The following LRRTM4 variants were observed in gnomAD, a reference collection of about 807,000 sequenced individuals.
LRRTM4 encodes the protein leucine rich repeat transmembrane neuronal 4, also known as leucine-rich repeat transmembrane neuronal protein 4.
In LRRTM4, 25 loss-of-function variants were observed where a neutral mutation model predicts 47.6. That is an observed-to-expected ratio of 0.53 (90% CI 0.38 to 0.73). LRRTM4 has a LOEUF of 0.73. LRRTM4 is among the 30% of genes least tolerant of loss of function. The probability of loss-of-function intolerance (pLI) is 0.00; values close to 1 mark genes in which losing one functional copy is unlikely to be tolerated. For synonymous variants in LRRTM4, 311 were observed against 269.5 expected (o/e 1.15, Z -1.51); for missense variants, 638 against 713.4 (o/e 0.89, Z 1.20).
chr2:77,001,284 G>A (rs1408737915), intron 3 of LRRTM4, among the ~76,000 whole-genome samples: 1 of 152,064 alleles, frequency 6.6e-6, no homozygotes, highest in East Asian at 1.9e-4. Flanking sequence ...CTTACCTTGT[G>A]AATTCTGATT....
chr2:77,342,190 CATGA>C (rs1671396740), intron 3 of LRRTM4, among the ~76,000 whole-genome samples: 1 of 151,920 alleles, frequency 6.6e-6, no homozygotes, highest in Non-Finnish European at 1.5e-5. Context: ...CCTGGAGCAT[CATGA>C]ATGATTGATG....
chr2:76,991,719 G>T (rs763679931), intron 3 of LRRTM4, among the ~76,000 whole-genome samples: 34 of 151,596 alleles, frequency 2.2e-4, no homozygotes, highest in Non-Finnish European at 4.1e-4. Flanking sequence ...GAGAAGAGCT[G>T]GTACCAATTC....
intron 3 of LRRTM4, among the ~76,000 whole-genome samples, chr2:77,465,498 G>T (rs182285429): frequency 1.4e-4 from 21 of 152,124 alleles, no homozygotes; most frequent in Admixed American, 8.5e-4. Flanking sequence ...CTCTACCAAG[G>T]ACATTTGTAT....
At chr2:77,089,880 T>A (rs947402844) in intron 3 of LRRTM4, among the ~76,000 whole-genome samples, 1 of 148,990 alleles carries the variant, frequency 6.7e-6, no homozygotes, top group Non-Finnish European at 1.5e-5. Flanking sequence ...AGGTGCCTGA[T>A]GTCCAGGCAT....
At chr2:76,942,361 A>T (rs1444239829) in intron 3 of LRRTM4, among the ~76,000 whole-genome samples, 2 of 152,026 alleles carry the variant, frequency 1.3e-5, no homozygotes, top group East Asian at 3.9e-4. Flanking sequence ...GATTTTGGTT[A>T]AACACATTTT....
intron 3 of LRRTM4, among the ~76,000 whole-genome samples, chr2:77,286,146 A>G (rs775753018): frequency 6.6e-6 from 1 of 152,118 alleles, no homozygotes; most frequent in African/African-American, 2.4e-5. Flanking sequence ...AGTTGAAAAA[A>G]TTATGGGGAC....
intron 3 of LRRTM4, among the ~76,000 whole-genome samples, chr2:77,027,761 G>T (rs1356420062): frequency 6.6e-6 from 1 of 152,024 alleles, no homozygotes; most frequent in Non-Finnish European, 1.5e-5. Context: ...CAAATATCAA[G>T]ACATTTGAAT....
intron 3 of LRRTM4, among the ~76,000 whole-genome samples, chr2:77,099,880 C>A (rs1358227295): frequency 6.6e-6 from 1 of 151,896 alleles, no homozygotes; most frequent in Admixed American, 6.6e-5. Context: ...ATATATTATT[C>A]ACTGTCACTT....
intron 3 of LRRTM4, among the ~76,000 whole-genome samples, chr2:77,380,219 A>G (rs1198511003): frequency 3.3e-5 from 5 of 152,122 alleles, no homozygotes; most frequent in Admixed American, 3.3e-4. Flanking sequence ...AAAGATTTTT[A>G]TTGCTACATA....
chr2:77,327,227 T>C (rs1665257010), intron 3 of LRRTM4, among the ~76,000 whole-genome samples: 1 of 152,196 alleles, frequency 6.6e-6, no homozygotes, highest in African/African-American at 2.4e-5. Context: ...TCCAATAACT[T>C]GTAAGCCTAA....
chr2:77,215,628 T>C (rs529631134), intron 3 of LRRTM4, among the ~76,000 whole-genome samples: 1 of 152,348 alleles, frequency 6.6e-6, no homozygotes, highest in Non-Finnish European at 1.5e-5. Flanking sequence ...GAAACTTTAA[T>C]GCTTAGCTCT....
intron 3 of LRRTM4, among the ~76,000 whole-genome samples, chr2:77,109,208 T>A (rs17013711): frequency 0.031 from 4,719 of 152,268 alleles, 245 homozygotes; most frequent in African/African-American, 0.11. Context: ...TTGTTTGGAT[T>A]TTAATGACTA....
chr2:77,432,335 G>A (rs573262153), intron 3 of LRRTM4, among the ~76,000 whole-genome samples: 1 of 152,278 alleles, frequency 6.6e-6, no homozygotes, highest in South Asian at 2.1e-4. Context: ...TCTTGACACT[G>A]TTACATCGTC....
At chr2:77,163,720 G>A (rs1468742945) in intron 3 of LRRTM4, among the ~76,000 whole-genome samples, 2 of 152,178 alleles carry the variant, frequency 1.3e-5, no homozygotes, top group Non-Finnish European at 2.9e-5. Flanking sequence ...AGCTTCATAA[G>A]TGAAGGATAA....
chr2:77,443,119 A>G (rs372392272), intron 3 of LRRTM4, among the ~76,000 whole-genome samples: 2 of 152,176 alleles, frequency 1.3e-5, no homozygotes, highest in East Asian at 3.9e-4. Flanking sequence ...GTGTGGCTCA[A>G]GTGGAAAGAG....
chr2:77,491,858 C>T (rs994423340), intron 3 of LRRTM4, among the ~76,000 whole-genome samples: 23 of 151,612 alleles, frequency 1.5e-4, no homozygotes, highest in African/African-American at 5.1e-4. Context: ...CTATAAAAGG[C>T]ACATTTTTGA....
chr2:77,147,116 A>T (rs1672279829), intron 3 of LRRTM4, among the ~76,000 whole-genome samples: 1 of 152,178 alleles, frequency 6.6e-6, no homozygotes, highest in Non-Finnish European at 1.5e-5. Context: ...CTACTTGTAT[A>T]TTTCTTTTCC....
chr2:76,929,505 C>A (rs1047660657), intron 3 of LRRTM4, among the ~76,000 whole-genome samples: 1 of 152,126 alleles, frequency 6.6e-6, no homozygotes, highest in Non-Finnish European at 1.5e-5. Flanking sequence ...TAATTTTAGA[C>A]CTGCTCTGCT....
Position 76,796,716 on chromosome 2 carries a change from CAGAACAGA to C in LRRTM4, c.1552-47808_1552-47801del, listed in dbSNP as rs1267796553. Among the ~76,000 whole-genome samples the C allele has an allele frequency of 6.8e-5, 10 of 148,078 alleles. 1 individual carries two copies. The highest frequency in any genetic ancestry group is 1.2e-4 in the Non-Finnish European group (8 of 67,502). ...AAAAACCACAAAGACAGGGAAAAAA[CAGAACAGA>C]AAAACTGGAAACTCTGAAAAGCAGA... On this transcript the variant is annotated intron_variant, in intron 3 of 3. Transcript: ENST00000409884.
Sources: allele counts gnomAD v4.1 joint callset (sites outside exome capture counted in the v4.1 genomes callset), GRCh38; gene constraint gnomAD v4.1.1; transcripts MANE v1.5; gene names NCBI Gene and HGNC (gene_info 2026-07-23, HGNC 2026-07-21).